The following HTR2C variants were observed in gnomAD, a reference collection of about 807,000 sequenced individuals.
HTR2C encodes the protein 5-hydroxytryptamine receptor 2C, also known as 5-hydroxytryptamine (serotonin) receptor 2C, G protein-coupled.
Under a neutral mutation model 21.0 loss-of-function variants are expected in HTR2C, and 5 were observed. That is an observed-to-expected ratio of 0.24 (90% CI 0.12 to 0.50). The LOEUF is 0.50. HTR2C is among the 20% of genes least tolerant of loss of function. The pLI, the probability that HTR2C is intolerant of heterozygous loss-of-function variation, is 0.98. For synonymous variants in HTR2C, 150 were observed against 145.3 expected (o/e 1.03, Z -0.23); for missense variants, 271 against 371.2 (o/e 0.73, Z 2.22).
chrX:114,809,769 T>C, intron 4 of HTR2C, among the ~76,000 whole-genome samples: 1 of 111,138 alleles, frequency 9.0e-6, no homozygotes. Flanking sequence ...TCTGCCCTAC[T>C]GTCACCAAGC....
intron 4 of HTR2C, among the ~76,000 whole-genome samples, chrX:114,799,941 A>C (rs1253543027): frequency 9.0e-6 from 1 of 111,435 alleles, no homozygotes; most frequent in Non-Finnish European, 1.9e-5. Flanking sequence ...TGATTCATTA[A>C]TTTGTTCATT....
At chrX:114,675,695 T>C (rs1556412427) in intron 2 of HTR2C, among the ~76,000 whole-genome samples, 1 of 111,779 alleles carries the variant, frequency 8.9e-6, no homozygotes, top group Non-Finnish European at 1.9e-5. Context: ...ATACAATATG[T>C]GATGACCTAA....
intron 4 of HTR2C, among the ~76,000 whole-genome samples, chrX:114,806,976 CAT>C (rs1170476670): frequency 1.0e-5 from 1 of 97,680 alleles, no homozygotes; most frequent in African/African-American, 3.8e-5. Flanking sequence ...CCATATATAC[CAT>C]ATATATACCA....
chrX:114,626,652 A>G (rs1015824701), intron 2 of HTR2C, among the ~76,000 whole-genome samples: 2 of 112,342 alleles, frequency 1.8e-5, no homozygotes, highest in Non-Finnish European at 3.8e-5. Context: ...ACTTGAGTTC[A>G]TCCCTTCTCA....
At chrX:114,867,068 G>A (rs1360438698) in intron 5 of HTR2C, among the ~76,000 whole-genome samples, 2 of 111,416 alleles carry the variant, frequency 1.8e-5, no homozygotes, top group Non-Finnish European at 3.8e-5. Flanking sequence ...AGTTTTTTGA[G>A]GAACCTCCAA....
At chrX:114,707,348 G>C (rs1348306997) in intron 2 of HTR2C, among the ~76,000 whole-genome samples, 2 of 110,998 alleles carry the variant, frequency 1.8e-5, no homozygotes, top group Non-Finnish European at 1.9e-5. Context: ...TTGAGCCCAG[G>C]AGATCAAGAC....
At chrX:114,763,182 G>C (rs2069899223) in intron 4 of HTR2C, 1 of 125,432 alleles carries the variant, frequency 8.0e-6, no homozygotes, top group South Asian at 3.7e-4. Flanking sequence ...ATCATCATTT[G>C]CTCGGCATCT....
At chrX:114,696,267 C>T (rs1292163537) in intron 2 of HTR2C, among the ~76,000 whole-genome samples, 4 of 111,553 alleles carry the variant, frequency 3.6e-5, no homozygotes, top group African/African-American at 9.8e-5. Flanking sequence ...ACAACAGTCA[C>T]GTCACCCTTC....
intron 5 of HTR2C, among the ~76,000 whole-genome samples, chrX:114,879,698 C>T (rs1026243722): frequency 9.0e-6 from 1 of 110,997 alleles, no homozygotes; most frequent in Non-Finnish European, 1.9e-5. Context: ...TTTGGTTTTC[C>T]ATTTTTTAGT....
chrX:114,708,740 G>A lies in HTR2C; in HGVS notation c.-79-18118G>A, dbSNP rs1006409052. Among the ~76,000 whole-genome samples the A allele has an allele frequency of 1.4e-4, 16 of 111,002 alleles. No individual in the cohort carries two copies. In the East Asian group the frequency reaches 4.5e-3, roughly 32 times the overall value. On this transcript the variant is annotated intron_variant, in intron 2 of 5. Coordinates refer to ENST00000276198, the MANE Select transcript of HTR2C (RefSeq NM_000868.4). ...GAGAATTGCTTGAGCCCAAGAATTCGAGGTTACAGTGAGCTATGATCATGC... is the reference window on the plus strand; with the variant it reads ...GAGAATTGCTTGAGCCCAAGAATTCAAGGTTACAGTGAGCTATGATCATGC...
chrX:114,592,348 C>T (rs1927668283), intron 1 of HTR2C, among the ~76,000 whole-genome samples: 1 of 112,058 alleles, frequency 8.9e-6, no homozygotes, highest in Non-Finnish European at 1.9e-5. Context: ...TGAATTTTTA[C>T]CATAGATTTA....
At chrX:114,609,761 T>G (rs1928641769) in intron 1 of HTR2C, among the ~76,000 whole-genome samples, 1 of 112,223 alleles carries the variant, frequency 8.9e-6, no homozygotes, top group Non-Finnish European at 1.9e-5. Context: ...AATATCGTTT[T>G]GAACAAAGAA....
intron 5 of HTR2C, among the ~76,000 whole-genome samples, chrX:114,876,392 A>C (rs961588154): frequency 5.0e-5 from 3 of 59,672 alleles, no homozygotes; most frequent in Non-Finnish European, 1.0e-4. Context: ...GATGCCGGTT[A>C]TTTCTTTCTT....
chrX:114,906,516 A>G, intron 5 of HTR2C, 73 bp from the exon 6 acceptor site: 1 of 744,776 alleles, frequency 1.3e-6, no homozygotes, highest in Non-Finnish European at 2.0e-6. Flanking sequence ...ATGCAAATTA[A>G]TGTATGCCGT....
At chrX:114,726,817 A>T in intron 2 of HTR2C, 41 bp from the exon 3 acceptor site, 2 of 473,086 alleles carry the variant, frequency 4.2e-6, no homozygotes, top group Admixed American at 5.2e-5. Context: ...AGTTATTTCG[A>T]TGTTTAACTA....
At chrX:114,590,425 G>T (rs956754186) in intron 1 of HTR2C, among the ~76,000 whole-genome samples, 4 of 111,690 alleles carry the variant, frequency 3.6e-5, no homozygotes, top group South Asian at 3.7e-4. Context: ...TCTATATTCT[G>T]TCTGATCTTC....
In HTR2C at chrX:114,786,889, TTTTTGTTTTGTTTTG is replaced by T. The variant is rs782017631; in HGVS notation, c.349+55292_349+55306del. Reference sequence around the variant, plus strand: ...TTTTTTTGTTTTTGTTTTTGGGTGTTTTTTGTTTTGTTTTGTTTTGTTTTTTGCTTTTTTCCCCTA... The same window carrying T: ...TTTTTTTGTTTTTGTTTTTGGGTGTTTTTTGTTTTTTGCTTTTTTCCCCTA... On this transcript the variant is annotated intron_variant, in intron 4 of 5. Coordinates refer to ENST00000276198, the MANE Select transcript of HTR2C (RefSeq NM_000868.4). 7.2e-3 allele frequency among the ~76,000 whole-genome samples: 804 copies of T among 111,239 alleles called. 4 individuals carry two copies. Among genetic ancestry groups the T allele is most frequent in the Non-Finnish European group, 0.011 (584 of 53,060 alleles).
chrX:114,726,665 G>A lies in HTR2C; in HGVS notation c.-79-193G>A, dbSNP rs781850901. Among the ~76,000 whole-genome samples, 7 of 112,336 alleles carry A rather than the reference G, an allele frequency of 6.2e-5. No individual in the cohort carries two copies. The South Asian group carries it at 2.2e-3, about 35-fold the overall frequency. ...TATACAGAAAATTTTTAAAAACTGCGATGATAAATAATTGAAAAATCTGCT... is the reference window on the plus strand; with the variant it reads ...TATACAGAAAATTTTTAAAAACTGCAATGATAAATAATTGAAAAATCTGCT... On this transcript the variant is annotated intron_variant, in intron 2 of 5. Transcript: ENST00000276198.
chrX:114,604,117 G>T (rs1279741520), intron 1 of HTR2C, among the ~76,000 whole-genome samples: 1 of 108,387 alleles, frequency 9.2e-6, no homozygotes, highest in Admixed American at 1.0e-4. Flanking sequence ...TCGCCAAGGA[G>T]GGAGTAGAGG....
Sources: allele counts gnomAD v4.1 joint callset (sites outside exome capture counted in the v4.1 genomes callset), GRCh38; gene constraint gnomAD v4.1.1; transcripts MANE v1.5; gene names NCBI Gene and HGNC (gene_info 2026-07-23, HGNC 2026-07-21).